ERG: variants seen among roughly 807,000 people sequenced by gnomAD.
ERG encodes ETS transcription factor ERG, also known as transcriptional regulator ERG.
Under a neutral mutation model 55.3 loss-of-function variants are expected in ERG, and 9 were observed. The observed-to-expected ratio is 0.16, with a 90% CI of 0.10 to 0.28. ERG has a LOEUF of 0.28. Among genes scored for constraint, ERG ranks in the 10% least tolerant of loss-of-function variants. The pLI, the probability that ERG is intolerant of heterozygous loss-of-function variation, is 1.00. For synonymous variants in ERG, 223 were observed against 237.3 expected, an observed-to-expected ratio of 0.94 and a Z score of 0.55; for missense variants, 434 against 631.6, an observed-to-expected ratio of 0.69 and a Z score of 3.35.
chr21:38,508,020 A>ATGCAC (rs1568866536), intron 2 of ERG, among the ~76,000 whole-genome samples: 1 of 1,826 alleles, frequency 5.5e-4, no homozygotes, highest in Non-Finnish European at 1.5e-3. Flanking sequence ...GAGACACACA[A>ATGCAC]ACACACATGC....
chr21:38,393,954 T>C (rs183369965), intron 6 of ERG, among the ~76,000 whole-genome samples: 12 of 152,224 alleles, frequency 7.9e-5, no homozygotes, highest in African/African-American at 2.4e-4. Flanking sequence ...GGGTTACACA[T>C]AGGAATTATA....
At chr21:38,605,605 T>C (rs574724804) in intron 1 of ERG, among the ~76,000 whole-genome samples, 1 of 152,294 alleles carries the variant, frequency 6.6e-6, no homozygotes, top group Non-Finnish European at 1.5e-5. Flanking sequence ...CCCATAGGGA[T>C]TTGGGTCACA....
At chr21:38,539,192 C>T (rs900570216) in intron 2 of ERG, among the ~76,000 whole-genome samples, 12 of 152,252 alleles carry the variant, frequency 7.9e-5, no homozygotes, top group East Asian at 1.9e-4. Flanking sequence ...CCAGAGAGGA[C>T]GCAACAAAAA....
intron 1 of ERG, among the ~76,000 whole-genome samples, chr21:38,483,593 A>C (rs1389094537): frequency 6.6e-6 from 1 of 152,210 alleles, no homozygotes; most frequent in Non-Finnish European, 1.5e-5. Flanking sequence ...TCACGCCTAT[A>C]ATCCCAGCAC....
intron 2 of ERG, among the ~76,000 whole-genome samples, chr21:38,547,241 T>C (rs2059793426): frequency 6.6e-6 from 1 of 152,244 alleles, no homozygotes; most frequent in Non-Finnish European, 1.5e-5. Context: ...GGCATGAATA[T>C]CTAGCTTCCC....
intron 1 of ERG, among the ~76,000 whole-genome samples, chr21:38,658,997 T>C (rs2060535995): frequency 6.6e-6 from 1 of 152,246 alleles, no homozygotes; most frequent in Non-Finnish European, 1.5e-5. Flanking sequence ...TGTACTACAA[T>C]TCTACTCTAA....
chr21:38,442,964 C>T (rs921283161), intron 2 of ERG, among the ~76,000 whole-genome samples: 4 of 152,074 alleles, frequency 2.6e-5, no homozygotes, highest in East Asian at 1.9e-4. Flanking sequence ...CCCACCACCA[C>T]GCCCGGCTAA....
At chr21:38,586,131 T>C (rs1453059177), upstream of ERG, among the ~76,000 whole-genome samples, 1 of 144,462 alleles carries the variant, frequency 6.9e-6, no homozygotes, top group East Asian at 2.1e-4. Context: ...TTAAACCAAC[T>C]AATAAAAGTA....
downstream of ERG, among the ~76,000 whole-genome samples, chr21:38,378,475 T>C (rs181115401): frequency 2.6e-5 from 4 of 152,340 alleles, no homozygotes. Context: ...TTTCTGGATG[T>C]TCATTCATGC....
intron 2 of ERG, among the ~76,000 whole-genome samples, chr21:38,432,943 C>T (rs1573261): frequency 0.7 from 107,120 of 152,040 alleles, 38,001 homozygotes; most frequent in East Asian, 0.84. Flanking sequence ...TCTAAAAGAA[C>T]ATCTTCAGAG....
intron 2 of ERG, among the ~76,000 whole-genome samples, chr21:38,558,596 T>C (rs980720505): frequency 6.6e-6 from 1 of 152,194 alleles, no homozygotes; most frequent in Non-Finnish European, 1.5e-5. Flanking sequence ...AAATGCAAGA[T>C]GGAGTGGGGC....
intron 1 of ERG, among the ~76,000 whole-genome samples, chr21:38,611,115 C>T (rs1316576212): frequency 6.6e-6 from 1 of 152,130 alleles, no homozygotes; most frequent in Non-Finnish European, 1.5e-5. Context: ...CTCCTCGTGC[C>T]ACGCATCCAA....
At chr21:38,427,111 G>A (rs987599536) in intron 2 of ERG, among the ~76,000 whole-genome samples, 11 of 152,078 alleles carry the variant, frequency 7.2e-5, no homozygotes, top group Admixed American at 2.6e-4. Context: ...GGCTGGTTGC[G>A]GCAGCTCATG....
intron 2 of ERG, among the ~76,000 whole-genome samples, chr21:38,438,120 C>T (rs2058807966): frequency 6.6e-6 from 1 of 152,222 alleles, no homozygotes; most frequent in Non-Finnish European, 1.5e-5. Context: ...GCATTCCCTC[C>T]TCTTGGAATA....
chr21:38,610,738 G>A (rs183871713), intron 1 of ERG, among the ~76,000 whole-genome samples: 104 of 152,264 alleles, frequency 6.8e-4, no homozygotes, highest in African/African-American at 2.3e-3. Context: ...TGACCACATG[G>A]GCTGGACTGT....
intron 1 of ERG, among the ~76,000 whole-genome samples, chr21:38,631,716 C>A (rs1247598894): frequency 6.6e-6 from 1 of 151,908 alleles, no homozygotes; most frequent in African/African-American, 2.4e-5. Flanking sequence ...TGCATAAAGG[C>A]AAAAAGTTCC....
intron 1 of ERG, among the ~76,000 whole-genome samples, chr21:38,468,982 CAAAAAAAAAAAAAAAAAAAG>C (rs1380012719): frequency 1.4e-4 from 4 of 29,034 alleles, no homozygotes; most frequent in Non-Finnish European, 2.0e-4. Context: ...GACTCTGTCT[CAAAAAAAAAAAAAAAAAAAG>C]AAAAAAAAAA....
At chr21:38,552,933 TG>T (rs1301122112) in intron 2 of ERG, among the ~76,000 whole-genome samples, 1 of 152,020 alleles carries the variant, frequency 6.6e-6, no homozygotes, top group Non-Finnish European at 1.5e-5. Flanking sequence ...GATTTATGTC[TG>T]GAAAACCTCA....
intron 2 of ERG, among the ~76,000 whole-genome samples, chr21:38,440,899 A>T (rs1191655018): frequency 6.6e-6 from 1 of 151,596 alleles, no homozygotes; most frequent in Non-Finnish European, 1.5e-5. Context: ...TCTGGCTGAG[A>T]TGAGTCTTAG....
Sources: gnomAD v4.1 joint callset for allele counts (sites outside exome capture counted in the v4.1 genomes callset) on GRCh38, gnomAD v4.1.1 for gene constraint, MANE v1.5 for transcripts, NCBI Gene and HGNC (gene_info 2026-07-23, HGNC 2026-07-21) for gene names.